The following PPP6R2 variants were observed in gnomAD, a reference collection of about 807,000 sequenced individuals.
PPP6R2 encodes the protein serine/threonine-protein phosphatase 6 regulatory subunit 2.
Under a neutral mutation model 100.2 loss-of-function variants are expected in PPP6R2, and 62 were observed. That is an observed-to-expected ratio of 0.62 (90% CI 0.50 to 0.76). PPP6R2 has a LOEUF of 0.76. PPP6R2 is among the 30% of genes least tolerant of loss of function. The pLI is 0.00. For synonymous variants in PPP6R2, 525 were observed against 514.7 expected (o/e 1.02, Z -0.27); for missense variants, 1,142 against 1,276.3 (o/e 0.89, Z 1.60).
At chr22:50,351,023 AGTGT>A (rs2045002367) in intron 1 of PPP6R2, among the ~76,000 whole-genome samples, 1 of 102,904 alleles carries the variant, frequency 9.7e-6, no homozygotes, top group Admixed American at 1.0e-4. Context: ...AGGTCTCAAC[AGTGT>A]TTTTTTTTTT....
At chr22:50,424,403 G>GCA (rs1569472263) in intron 10 of PPP6R2, among the ~76,000 whole-genome samples, 3 of 147,450 alleles carry the variant, frequency 2.0e-5, no homozygotes, top group Non-Finnish European at 4.5e-5. Flanking sequence ...AGGTCCGTCA[G>GCA]TGTGTGGAAG....
chr22:50,336,066 G>A, the PPP6R2 span, among the ~76,000 whole-genome samples: 3 of 150,948 alleles, frequency 2.0e-5, no homozygotes, highest in African/African-American at 7.3e-5. Context: ...TTCACTGCAA[G>A]CTCTGCCTCC....
chr22:50,415,743 G>A lies in PPP6R2; in HGVS notation c.553-349G>A, dbSNP rs574532212. ...CATGGGAAGGCCCCAGTGCTGCAGG[G>A]AACAGCTGAGGCTTCTCTGGCTTCA... On this transcript the variant is annotated intron_variant, in intron 5 of 23. Transcript: ENST00000612753. Among the ~76,000 whole-genome samples, 149 of 152,362 alleles carry A rather than the reference G, an allele frequency of 9.8e-4. 1 individual carries two copies. Among genetic ancestry groups the A allele is most frequent in the Non-Finnish European group, 5.0e-4 (34 of 68,032 alleles).
intron 2 of PPP6R2, among the ~76,000 whole-genome samples, chr22:50,385,303 C>T (rs2053975438): frequency 6.6e-6 from 1 of 152,172 alleles, no homozygotes; most frequent in East Asian, 1.9e-4. Flanking sequence ...TCAAGCGATT[C>T]TTGTGCCTCA....
rs759900803 is a variant in PPP6R2 at position 50,444,012 on chromosome 22, C to T, written c.2726C>T (p.Pro909Leu). 1.2e-6 allele frequency: 2 copies of T among 1,613,478 alleles called. No homozygotes were observed. The highest frequency in any genetic ancestry group is 4.5e-5 in the East Asian group (2 of 44,878). Residue 909 changes from proline to leucine, a missense_variant, in exon 23 of 24, where the codon CCA (proline) becomes CTA (leucine). Around this residue, in one of 2 missense-constraint regions of PPP6R2, gnomAD observed 550 missense variants for 517.4 expected, o/e 1.06. Transcript: ENST00000612753. ...AAGGCTGGCCCCGCCATACCCACCC[C>T]AGCAGTCTCTTCTGCACTGGCCGTG... is the stretch of plus-strand genomic sequence containing the variant. Reference protein sequence around the residue: ...LSKAGPAIPTPAVSSALAVAV... With the variant: ...LSKAGPAIPTLAVSSALAVAV...
In PPP6R2 at chr22:50,442,073, C is replaced by T. The variant is rs1272307601; in HGVS notation, c.2579+1047C>T. On this transcript the variant is annotated intron_variant, in intron 22 of 23. Transcript: ENST00000612753. ...CACATCTGGTGGTGCATCCCAGTCACTCCTGGCTCCATGGTTGTGAAGGGC... is the reference window on the plus strand; with the variant it reads ...CACATCTGGTGGTGCATCCCAGTCATTCCTGGCTCCATGGTTGTGAAGGGC... 4.6e-5 allele frequency among the ~76,000 whole-genome samples: 7 copies of T among 152,192 alleles called. No homozygotes were observed. In the South Asian group the frequency reaches 6.2e-4, roughly 13 times the overall value.
chr22:50,422,159 G>A (rs2061425181), intron 8 of PPP6R2, 95 bp from the exon 9 acceptor site: 1 of 1,494,682 alleles, frequency 6.7e-7, no homozygotes, highest in African/African-American at 1.4e-5. Flanking sequence ...AAAGTTAAAA[G>A]GGCTCTTTCT....
At chr22:50,362,241 G>A (rs928582584) in intron 1 of PPP6R2, among the ~76,000 whole-genome samples, 3 of 152,196 alleles carry the variant, frequency 2.0e-5, no homozygotes, top group African/African-American at 7.2e-5. Context: ...TGCTAGTGTT[G>A]AGCAGATGGA....
intron 9 of PPP6R2, among the ~76,000 whole-genome samples, chr22:50,422,675 TGA>T (rs1450672918): frequency 6.6e-6 from 1 of 152,162 alleles, no homozygotes; most frequent in African/African-American, 2.4e-5. Context: ...GCTCGGCTCC[TGA>T]GAGGGGACCA....
intron 22 of PPP6R2, among the ~76,000 whole-genome samples, chr22:50,442,795 G>A (rs1034949046): frequency 2.2e-4 from 33 of 151,526 alleles, no homozygotes; most frequent in East Asian, 1.2e-3. Flanking sequence ...CTCATGATCC[G>A]CCTGCCTCGG....
At chr22:50,398,153 C>G (rs775534276) in intron 3 of PPP6R2, among the ~76,000 whole-genome samples, 1 of 149,254 alleles carries the variant, frequency 6.7e-6, no homozygotes, top group African/African-American at 2.5e-5. Flanking sequence ...GGCAATATAG[C>G]GAGACTCCAT....
At chr22:50,375,425 G>A (rs995594754) in intron 2 of PPP6R2, among the ~76,000 whole-genome samples, 3 of 152,182 alleles carry the variant, frequency 2.0e-5, no homozygotes, top group Non-Finnish European at 4.4e-5. Context: ...GGGGCTTTGA[G>A]TTTAGAGGAT....
At chr22:50,388,602 G>A (rs947900136) in intron 2 of PPP6R2, among the ~76,000 whole-genome samples, 5 of 152,028 alleles carry the variant, frequency 3.3e-5, no homozygotes, top group African/African-American at 7.2e-5. Flanking sequence ...GGCCAGGCAC[G>A]GTGGCTCACG....
chr22:50,414,708 C>T lies in PPP6R2; in HGVS notation c.552+19C>T. The T allele has an allele frequency of 6.2e-7, 1 of 1,607,530 alleles. No individual in the cohort carries two copies. The highest frequency in any genetic ancestry group is 8.5e-7 in the Non-Finnish European group (1 of 1,177,774). On this transcript the variant is annotated intron_variant, in intron 5 of 23. Transcript: ENST00000612753. ...CCTGCACGTGAGTGCGGGAGTCCCC[C>T]CCCGTTCCCGAGGGCAGGGGTGCTG...
At chr22:50,337,436 CGGTACGTGTGTGGTGTGTGT>C in the PPP6R2 span, among the ~76,000 whole-genome samples, 2 of 62,586 alleles carry the variant, frequency 3.2e-5, no homozygotes, top group African/African-American at 1.3e-4. Flanking sequence ...TGTGTGTGTG[CGGTACGTGTGTGGTGTGTGT>C]GGTATGTAGT....
chr22:50,370,506 C>G (rs1015387178), intron 1 of PPP6R2, among the ~76,000 whole-genome samples: 4 of 151,772 alleles, frequency 2.6e-5, no homozygotes, highest in Non-Finnish European at 4.4e-5. Context: ...CCAGACTGGT[C>G]TCGAATGCCT....
Position 50,437,590 on chromosome 22 carries a change from G to C in PPP6R2, c.1768G>C (p.Asp590His), listed in dbSNP as rs2064627962. 2 of 1,606,300 alleles carry C rather than the reference G, an allele frequency of 1.2e-6. No homozygotes were observed. Among genetic ancestry groups the C allele is most frequent in the Non-Finnish European group, 1.7e-6 (2 of 1,174,152 alleles). The change falls in exon 16 of 24, where the codon GAC (aspartate) becomes CAC (histidine). Residue 590 changes from aspartate (D) to histidine (H), a missense_variant. By Grantham distance (81) the Asp-to-His change is moderately conservative. Around this residue, in one of 2 missense-constraint regions of PPP6R2, gnomAD observed 550 missense variants for 517.4 expected, o/e 1.06. Coordinates refer to ENST00000612753, the MANE Select transcript of PPP6R2 (RefSeq NM_001242898.2). The stretch of plus-strand genomic sequence containing the variant: ...CAATGATGAGGAGTTTGCCGACCAG[G>C]ACGACAACATCAAGTGAGTCTACTT... ...GFNDEEFADQ[D>H]DNINAPFDRI...
At chr22:50,393,346 C>T (rs1200650381) in intron 2 of PPP6R2, 3 of 973,820 alleles carry the variant, frequency 3.1e-6, no homozygotes, top group African/African-American at 1.8e-5. Context: ...CAGGCAGCAT[C>T]AGCTGTCTTG....
At chr22:50,353,348 C>G (rs1487442802) in intron 1 of PPP6R2, among the ~76,000 whole-genome samples, 1 of 152,068 alleles carries the variant, frequency 6.6e-6, no homozygotes, top group Non-Finnish European at 1.5e-5. Context: ...ACTGTTGTGT[C>G]TCAGGGAGTA....
Sources: gnomAD v4.1 joint callset for allele counts (sites outside exome capture counted in the v4.1 genomes callset) on GRCh38, gnomAD v4.1.1 for gene constraint, gnomAD v4.1.1 regional missense constraint, MANE v1.5 for transcripts, NCBI Gene and HGNC (gene_info 2026-07-23, HGNC 2026-07-21) for gene names.